Variants in FMN2 observed in about 807,000 individuals in gnomAD.
FMN2 encodes formin-2.
FMN2 carries 51 observed loss-of-function variants against 142.3 expected under a neutral mutation model. That is an observed-to-expected ratio of 0.36 (90% confidence interval 0.29 to 0.45). The LOEUF is 0.45. Ranked by LOEUF, FMN2 falls within the 20% of genes least tolerant of loss-of-function variation. The pLI is 1.00. For synonymous variants in FMN2, 882 were observed against 869.8 expected, an observed-to-expected ratio of 1.01 and a Z score of -0.25; for missense variants, 1,936 against 2,122.8, an observed-to-expected ratio of 0.91 and a Z score of 1.73.
chr1:240,383,512 C>T (rs2103084853), intron 14 of FMN2, among the ~76,000 whole-genome samples: 1 of 152,248 alleles, frequency 6.6e-6, no homozygotes, highest in Middle Eastern at 3.4e-3. Context: ...TATTAGTCAT[C>T]AGTGAAATGC....
chr1:240,434,728 A>ATTTTTT (rs34969961), intron 15 of FMN2, among the ~76,000 whole-genome samples: 2 of 130,762 alleles, frequency 1.5e-5, no homozygotes. Flanking sequence ...CACCCTGCTA[A>ATTTTTT]TTTTTTTTTT....
At chr1:240,149,240 A>G (rs1663660183) in intron 2 of FMN2, among the ~76,000 whole-genome samples, 1 of 152,212 alleles carries the variant, frequency 6.6e-6, no homozygotes, top group African/African-American at 2.4e-5. Flanking sequence ...TGTAAGGTTT[A>G]TATTCTATAT....
intron 7 of FMN2, among the ~76,000 whole-genome samples, chr1:240,284,801 A>G (rs902788784): frequency 6.6e-6 from 1 of 152,148 alleles, no homozygotes; most frequent in African/African-American, 2.4e-5. Context: ...TTCTGTGAAC[A>G]GAAGGATCAC....
At chr1:240,145,165 C>A in intron 2 of FMN2, 1 of 1,472,330 alleles carries the variant, frequency 6.8e-7, no homozygotes, top group Non-Finnish European at 9.5e-7. Context: ...CTGGTCGATA[C>A]AGGGATGTGT....
intron 16 of FMN2, chr1:240,458,198 G>T (rs1016396873): frequency 1.3e-5 from 2 of 152,142 alleles, no homozygotes; most frequent in Admixed American, 6.5e-5. Flanking sequence ...ATGTGTCACT[G>T]GGTAGAAATG....
At chr1:240,127,363 T>C (rs1266407011) in intron 2 of FMN2, among the ~76,000 whole-genome samples, 1 of 151,458 alleles carries the variant, frequency 6.6e-6, no homozygotes, top group African/African-American at 2.4e-5. Context: ...TGAGCCACCA[T>C]ACCTGGCTTT....
rs1159883510 is a variant in FMN2, at chr1:240,228,313, AAAAAAAAAAAAAAAAAAAAGAAAAAG to A, written c.4065+17084_4065+17109del. Reference sequence around the variant, plus strand: ...AGTGAAACTCTGTCTCAAAAAAAAAAAAAAAAAAAAAAAAAAAAAGAAAAAGAAAAAGAAAAAGAAAGAAAAAAAAT... The same window carrying A: ...AGTGAAACTCTGTCTCAAAAAAAAAAAAAAAGAAAAAGAAAGAAAAAAAAT... On this transcript the variant is annotated intron_variant, in intron 6 of 17. Coordinates refer to ENST00000319653, the MANE Select transcript of FMN2 (RefSeq NM_020066.5). Among the ~76,000 whole-genome samples the A allele has an allele frequency of 5.0e-3, 355 of 70,326 alleles. 6 individuals are homozygous for A. The highest frequency in any genetic ancestry group is 0.044 in the South Asian group (110 of 2,524). The allele number at this position is 70,326 out of a possible 152,430, so 46.1% of individuals were successfully genotyped here. A position where few individuals can be genotyped will look rare whatever the true frequency, so the allele number is the denominator to read the frequency against.
At chr1:240,205,344 G>A (rs938205964) in intron 4 of FMN2, among the ~76,000 whole-genome samples, 1 of 151,756 alleles carries the variant, frequency 6.6e-6, no homozygotes, top group African/African-American at 2.4e-5. Context: ...AAAAGTGGGA[G>A]TTGTCTTCCT....
rs1343632019 is a variant in FMN2 at position 240,123,348 on chromosome 1, A to C, written c.1782+3A>C. ...AGACGAATGCAGCTTCGTTTGATGT[A>C]AGTAGGAGAATTCACTTCTGTCCGT... On this transcript the variant is annotated splice_donor_region_variant and intron_variant, in intron 2 of 17. Transcript: ENST00000319653. 6.2e-7 allele frequency: 1 copy of C among 1,612,362 alleles called. No individual in the cohort carries two copies. Among genetic ancestry groups the C allele is most frequent in the Non-Finnish European group, 8.5e-7 (1 of 1,179,024 alleles).
rs996534825 is a variant in FMN2, at chr1:240,415,529, A to AT, written c.4911-22531dup. 1.6e-3 allele frequency among the ~76,000 whole-genome samples: 82 copies of AT among 52,508 alleles called. No individual in the cohort carries two copies. The South Asian group carries it at 0.054, about 34-fold the overall frequency. The allele number at this position is 52,508 out of a possible 152,430, so 34.4% of individuals were successfully genotyped here. A position where few individuals can be genotyped will look rare whatever the true frequency, so the allele number is the denominator to read the frequency against. ...CATGTACCCCAGAACTTTAAGTATA[A>AT]TAAAAAAAAAAAAAATTGAAGTCTC... On this transcript the variant is annotated intron_variant, in intron 15 of 17. Transcript: ENST00000319653.
chr1:240,427,171 T>A (rs1034082059), intron 15 of FMN2, among the ~76,000 whole-genome samples: 1 of 136,892 alleles, frequency 7.3e-6, no homozygotes, highest in African/African-American at 3.2e-5. Flanking sequence ...ACAACTGATT[T>A]TATATATATA....
chr1:240,250,415 T>C (rs1351642522), intron 6 of FMN2, among the ~76,000 whole-genome samples: 2 of 152,152 alleles, frequency 1.3e-5, no homozygotes, highest in Non-Finnish European at 2.9e-5. Flanking sequence ...TGTACAACCA[T>C]TTTTGCATCC....
intron 2 of FMN2, among the ~76,000 whole-genome samples, chr1:240,123,859 TTC>T (rs1432406528): frequency 6.6e-6 from 1 of 152,178 alleles, no homozygotes; most frequent in Non-Finnish European, 1.5e-5. Flanking sequence ...GCAACAACCA[TTC>T]TCTTTCTGTC....
chr1:240,454,642 G>A (rs1676178447), intron 16 of FMN2, among the ~76,000 whole-genome samples: 1 of 152,176 alleles, frequency 6.6e-6, no homozygotes, highest in Admixed American at 6.5e-5. Context: ...CAAGGATTGT[G>A]CCTCTTTTGC....
intron 8 of FMN2, among the ~76,000 whole-genome samples, chr1:240,317,843 G>A (rs892522898): frequency 6.6e-6 from 1 of 152,112 alleles, no homozygotes; most frequent in Non-Finnish European, 1.5e-5. Context: ...CAGAATGGTA[G>A]TACCATTTTC....
chr1:240,433,995 T>C (rs2103169501), intron 15 of FMN2, among the ~76,000 whole-genome samples: 1 of 152,304 alleles, frequency 6.6e-6, no homozygotes, highest in East Asian at 1.9e-4. Context: ...GCTCTGCAGG[T>C]ACCTCGATTC....
chr1:240,329,685 G>A (rs2103014102), intron 10 of FMN2, among the ~76,000 whole-genome samples: 1 of 152,248 alleles, frequency 6.6e-6, no homozygotes, highest in Middle Eastern at 3.4e-3. Context: ...GCTAGAATGT[G>A]GCCAATACAT....
intron 4 of FMN2, among the ~76,000 whole-genome samples, chr1:240,202,221 A>G (rs922544525): frequency 2.6e-5 from 4 of 152,194 alleles, no homozygotes; most frequent in Non-Finnish European, 5.9e-5. Flanking sequence ...AACCAAAAGA[A>G]AATTTAAGTG....
chr1:240,174,968 A>C (rs1221607467), intron 2 of FMN2, among the ~76,000 whole-genome samples: 1 of 152,196 alleles, frequency 6.6e-6, no homozygotes, highest in African/African-American at 2.4e-5. Flanking sequence ...TACCCGTTAC[A>C]TTGCAACAAC....
Sources: allele counts gnomAD v4.1 joint callset (sites outside exome capture counted in the v4.1 genomes callset), GRCh38; gene constraint gnomAD v4.1.1; transcripts MANE v1.5; gene names NCBI Gene and HGNC (gene_info 2026-07-23, HGNC 2026-07-21).